Variants in TBC1D19 observed in about 807,000 individuals in gnomAD.
TBC1D19 encodes the protein TBC1 domain family member 19.
TBC1D19 carries 60 observed loss-of-function variants against 89.0 expected under a neutral mutation model. The observed-to-expected ratio is 0.67, with a 90% CI of 0.55 to 0.84. The LOEUF is 0.84. Among genes scored for constraint, TBC1D19 ranks in the 40% least tolerant of loss-of-function variants. The pLI is 0.00. For missense variants in TBC1D19, 500 were observed against 610.8 expected (o/e 0.82, Z 1.91); for synonymous variants, 189 against 199.7 (o/e 0.95, Z 0.45).
At chr4:26,726,383 T>C (rs1717323605) in intron 15 of TBC1D19, among the ~76,000 whole-genome samples, 1 of 152,206 alleles carries the variant, frequency 6.6e-6, no homozygotes, top group African/African-American at 2.4e-5. Context: ...TTGTCATCCA[T>C]ATTAATTAAA....
the TBC1D19 span, among the ~76,000 whole-genome samples, chr4:26,845,590 A>G: frequency 6.6e-6 from 1 of 152,156 alleles, no homozygotes; most frequent in Non-Finnish European, 1.5e-5. Flanking sequence ...TAGAAATTTG[A>G]CTATTCTAGG....
chr4:26,698,103 T>C (rs1174056778), intron 13 of TBC1D19, among the ~76,000 whole-genome samples: 1 of 152,098 alleles, frequency 6.6e-6, no homozygotes, highest in Middle Eastern at 3.4e-3. Flanking sequence ...GATTGTATAT[T>C]TAGAAAACCC....
intron 7 of TBC1D19, among the ~76,000 whole-genome samples, chr4:26,650,576 TA>T (rs1744292982): frequency 6.6e-6 from 1 of 152,182 alleles, no homozygotes; most frequent in South Asian, 2.1e-4. Context: ...TTTTTTCTTG[TA>T]AATTTATTTG....
intron 12 of TBC1D19, among the ~76,000 whole-genome samples, chr4:26,686,664 A>G (rs900906066): frequency 2.0e-5 from 3 of 152,172 alleles, no homozygotes; most frequent in Non-Finnish European, 4.4e-5. Flanking sequence ...GACCTCCAGG[A>G]ACCAGTTTTC....
chr4:26,698,934 AT>A (rs1214330794), intron 13 of TBC1D19, among the ~76,000 whole-genome samples: 2 of 152,228 alleles, frequency 1.3e-5, no homozygotes, highest in Non-Finnish European at 2.9e-5. Flanking sequence ...AGACAATACC[AT>A]TCAGGACATA....
chr4:26,761,334 A>G, the TBC1D19 span, among the ~76,000 whole-genome samples: 1 of 152,328 alleles, frequency 6.6e-6, no homozygotes, highest in East Asian at 1.9e-4. Flanking sequence ...CAATCCATAA[A>G]CATGGCATAT....
chr4:26,832,450 C>T, the TBC1D19 span, among the ~76,000 whole-genome samples: 1 of 152,354 alleles, frequency 6.6e-6, no homozygotes, highest in Admixed American at 6.5e-5. Context: ...CAGAAGTCTA[C>T]AGCTCCTTTC....
In TBC1D19 at chr4:26,739,988, A is replaced by T. The variant is rs780786187; in HGVS notation, c.1227+15A>T. ...CTCATCCTTCTGTAAGTTCATAAGA[A>T]AAACTTGATCAAATTAGGTTGGATT... On this transcript the variant is annotated intron_variant, in intron 17 of 20. Transcript: ENST00000264866. The T allele has an allele frequency of 1.3e-6, 2 of 1,494,202 alleles. No individual in the cohort carries two copies. Among genetic ancestry groups the T allele is most frequent in the Non-Finnish European group, 1.8e-6 (2 of 1,098,604 alleles). 92.6% of individuals were successfully genotyped at this position (1,494,202 alleles called of 1,614,324 possible).
intron 1 of TBC1D19, among the ~76,000 whole-genome samples, chr4:26,590,519 G>A (rs1369353039): frequency 6.6e-6 from 1 of 152,122 alleles, no homozygotes; most frequent in Non-Finnish European, 1.5e-5. Context: ...AGTGTTATGA[G>A]ATTTGTTATT....
the TBC1D19 span, among the ~76,000 whole-genome samples, chr4:26,810,813 G>A: frequency 1.3e-5 from 2 of 152,248 alleles, no homozygotes; most frequent in East Asian, 1.9e-4. Flanking sequence ...CAGAATGCAG[G>A]AACTCTATCT....
intron 9 of TBC1D19, among the ~76,000 whole-genome samples, chr4:26,669,353 A>G (rs13121378): frequency 0.46 from 69,100 of 151,622 alleles, 17,511 homozygotes; most frequent in Admixed American, 0.6. Flanking sequence ...TTACTATCTT[A>G]TAAAGACTAT....
intron 4 of TBC1D19, among the ~76,000 whole-genome samples, chr4:26,625,244 T>C (rs1742318720): frequency 6.6e-6 from 1 of 152,142 alleles, no homozygotes; most frequent in Non-Finnish European, 1.5e-5. Flanking sequence ...CCCAGAATGT[T>C]TTCTGCTAAA....
chr4:26,624,545 T>G (rs1742268624), intron 4 of TBC1D19, among the ~76,000 whole-genome samples: 1 of 152,030 alleles, frequency 6.6e-6, no homozygotes, highest in South Asian at 2.1e-4. Context: ...TTTCTGACAT[T>G]TATTATATGC....
intron 15 of TBC1D19, among the ~76,000 whole-genome samples, chr4:26,723,508 C>G (rs1158998024): frequency 2.6e-5 from 4 of 152,148 alleles, no homozygotes; most frequent in Non-Finnish European, 5.9e-5. Flanking sequence ...TTTCTCACCA[C>G]TACCCCCAAC....
chr4:26,767,212 G>A, the TBC1D19 span, among the ~76,000 whole-genome samples: 1 of 152,136 alleles, frequency 6.6e-6, no homozygotes, highest in African/African-American at 2.4e-5. Flanking sequence ...AATGTTTTGT[G>A]CTGTATTTTC....
At chr4:26,832,025 GGTT>G in the TBC1D19 span, among the ~76,000 whole-genome samples, 2 of 152,148 alleles carry the variant, frequency 1.3e-5, no homozygotes, top group Non-Finnish European at 2.9e-5. Flanking sequence ...TTGTCCTGTT[GGTT>G]GTTGTGTTGA....
At chr4:26,597,576 G>A (rs552219382) in intron 1 of TBC1D19, among the ~76,000 whole-genome samples, 1 of 148,986 alleles carries the variant, frequency 6.7e-6, no homozygotes, top group African/African-American at 2.5e-5. Flanking sequence ...TGTTGGCCAG[G>A]CAGTCTGGAA....
chr4:26,812,516 G>T, the TBC1D19 span, among the ~76,000 whole-genome samples: 1 of 152,044 alleles, frequency 6.6e-6, no homozygotes, highest in African/African-American at 2.4e-5. The surrounding 1 kb of genome is among the most constrained non-coding windows in gnomAD (Gnocchi z 4.2). Flanking sequence ...TCACTTTCAG[G>T]GACCCACCCT....
At chr4:26,750,177 C>T (rs1444350425) in intron 19 of TBC1D19, among the ~76,000 whole-genome samples, 2 of 152,108 alleles carry the variant, frequency 1.3e-5, no homozygotes, top group South Asian at 2.1e-4. Flanking sequence ...CTCACATTTT[C>T]GCCTCTCCCC....
Sources: gnomAD v4.1 joint callset for allele counts (sites outside exome capture counted in the v4.1 genomes callset) on GRCh38, gnomAD v4.1.1 for gene constraint, Gnocchi (gnomAD v3.1) non-coding constraint, MANE v1.5 for transcripts, NCBI Gene and HGNC (gene_info 2026-07-23, HGNC 2026-07-21) for gene names.